Variants in ESR1 observed in about 807,000 individuals in gnomAD.
ESR1 encodes the protein estrogen receptor.
In ESR1, 12 loss-of-function variants were observed where a neutral mutation model predicts 52.7. That is an observed-to-expected ratio of 0.23 (90% CI 0.15 to 0.37). The LOEUF (loss-of-function observed/expected upper bound fraction) is 0.37, where lower values mean the gene tolerates loss of function less well. ESR1 is among the 10% of genes least tolerant of loss of function. The pLI is 1.00. For missense variants in ESR1, 584 were observed against 779.7 expected (o/e 0.75, Z 2.99); for synonymous variants, 305 against 316.8 (o/e 0.96, Z 0.39).
At chr6:151,803,286 G>A (rs995994887), upstream of ESR1, among the ~76,000 whole-genome samples, 1 of 152,114 alleles carries the variant, frequency 6.6e-6, no homozygotes, top group African/African-American at 2.4e-5. Flanking sequence ...AGAATTCAGA[G>A]GAGAGGAAAT....
intron 2 of ESR1, among the ~76,000 whole-genome samples, chr6:151,707,630 A>G (rs1780281510): frequency 1.3e-5 from 2 of 152,200 alleles, no homozygotes; most frequent in East Asian, 1.9e-4. Flanking sequence ...TCCACCATTT[A>G]TTTCCTTAAG....
At chr6:151,844,863 A>AAATT (rs1784867416) in intron 2 of ESR1, among the ~76,000 whole-genome samples, 1 of 152,234 alleles carries the variant, frequency 6.6e-6, no homozygotes, top group Non-Finnish European at 1.5e-5. Flanking sequence ...TGTATTTAGG[A>AAATT]AATTTATTTG....
chr6:152,083,821 G>T (rs547638070), intron 6 of ESR1, among the ~76,000 whole-genome samples: 5 of 152,192 alleles, frequency 3.3e-5, no homozygotes, highest in Non-Finnish European at 5.9e-5. Context: ...TACACTGTTG[G>T]TGGGAGTGTA....
chr6:152,079,187 G>GT (rs200849415), intron 6 of ESR1, among the ~76,000 whole-genome samples: 1,722 of 152,312 alleles, frequency 0.011, 33 homozygotes, highest in African/African-American at 0.039. Flanking sequence ...CCTCAAGCAG[G>GT]TCCCTGACCC....
At chr6:152,051,063 C>T (rs1376029319) in intron 5 of ESR1, among the ~76,000 whole-genome samples, 1 of 152,126 alleles carries the variant, frequency 6.6e-6, no homozygotes. Context: ...TAGAAGCTCC[C>T]TCTCTAGGAC....
At chr6:151,972,069 C>A (rs1239247244) in intron 4 of ESR1, among the ~76,000 whole-genome samples, 1 of 151,932 alleles carries the variant, frequency 6.6e-6, no homozygotes, top group African/African-American at 2.4e-5. Context: ...TGGATAAATT[C>A]CTGGAAATAT....
At chr6:151,689,387 T>C (rs1778813120), upstream of ESR1, among the ~76,000 whole-genome samples, 1 of 152,186 alleles carries the variant, frequency 6.6e-6, no homozygotes, top group African/African-American at 2.4e-5. Flanking sequence ...TGAATCTTGT[T>C]GAGATTTTAT....
At chr6:152,072,070 T>C (rs1585108164) in intron 6 of ESR1, among the ~76,000 whole-genome samples, 1 of 143,818 alleles carries the variant, frequency 7.0e-6, no homozygotes, top group South Asian at 2.2e-4. Context: ...TTATGGAGGG[T>C]AGACGGCTTC....
At chr6:152,001,351 G>T (rs2041929463) in intron 4 of ESR1, among the ~76,000 whole-genome samples, 1 of 152,000 alleles carries the variant, frequency 6.6e-6, no homozygotes, top group African/African-American at 2.4e-5. Flanking sequence ...CATGCAAAGA[G>T]AAAGAAAGGG....
chr6:151,898,835 A>G (rs553171183), intron 3 of ESR1, among the ~76,000 whole-genome samples: 1,555 of 152,200 alleles, frequency 0.01, 16 homozygotes, highest in African/African-American at 0.036. Flanking sequence ...CGATTTCTCA[A>G]TCTTTTCCCC....
chr6:152,094,865 G>C lies in ESR1; in HGVS notation c.1553+297G>C, dbSNP rs146369477. On this transcript the variant is annotated intron_variant, in intron 7 of 7. Transcript: ENST00000206249. The surrounding 1 kb of genome is among the most constrained non-coding windows in gnomAD (Gnocchi z 4.6). ...GGGTGCAGTGTGCAAATAGGAGGAG[G>C]GGGCCAATCAAGAGAAGTCAGTGAA... Among the ~76,000 whole-genome samples, 34 of 152,198 alleles carry C rather than the reference G, an allele frequency of 2.2e-4. No individual in the cohort carries two copies. The highest frequency in any genetic ancestry group is 8.2e-4 in the African/African-American group (34 of 41,534).
chr6:151,905,902 T>A (rs755922705), intron 3 of ESR1, among the ~76,000 whole-genome samples: 2 of 152,170 alleles, frequency 1.3e-5, no homozygotes, highest in African/African-American at 2.4e-5. Flanking sequence ...ATGTGAGACA[T>A]TTCAAGGGCA....
downstream of ESR1, among the ~76,000 whole-genome samples, chr6:152,104,663 G>A (rs1204835324): frequency 6.6e-6 from 1 of 152,144 alleles, no homozygotes; most frequent in Non-Finnish European, 1.5e-5. Flanking sequence ...TAAAACTCTT[G>A]TAGACAGGGG....
At chr6:152,125,897 T>C (rs996937222) in exon 7 of ESR1, 1 of 152,288 alleles carries the variant, frequency 6.6e-6, no homozygotes, top group Non-Finnish European at 1.5e-5. Context: ...TCATAAATCA[T>C]GACAGCCAAA....
intron 7 of ESR1, among the ~76,000 whole-genome samples, chr6:152,097,737 G>A (rs2747647): frequency 2.0e-5 from 3 of 152,008 alleles, no homozygotes; most frequent in Admixed American, 6.5e-5. Context: ...CCCATTTCCC[G>A]CTGCCCATTT....
chr6:151,751,311 G>A (rs1437104784), intron 2 of ESR1, among the ~76,000 whole-genome samples: 1 of 152,102 alleles, frequency 6.6e-6, no homozygotes, highest in Non-Finnish European at 1.5e-5. Context: ...TGTACAGCTA[G>A]GCAATTCATT....
intron 3 of ESR1, among the ~76,000 whole-genome samples, chr6:151,922,386 G>T (rs2031873022): frequency 6.6e-6 from 1 of 152,130 alleles, no homozygotes; most frequent in Non-Finnish European, 1.5e-5. Context: ...TTTAAGGGTG[G>T]AGTAGCTCTA....
intron 3 of ESR1, among the ~76,000 whole-genome samples, chr6:151,886,280 G>A (rs80144994): frequency 0.019 from 2,894 of 152,208 alleles, 44 homozygotes; most frequent in Middle Eastern, 0.044. Flanking sequence ...AGATTCAGAG[G>A]CGTGTTTGAG....
At chr6:151,758,869 C>A (rs1277829946) in intron 2 of ESR1, among the ~76,000 whole-genome samples, 4 of 151,934 alleles carry the variant, frequency 2.6e-5, no homozygotes, top group Non-Finnish European at 5.9e-5. Context: ...TGAAAAGGTG[C>A]CTCTCCTAGT....
Sources: allele counts gnomAD v4.1 joint callset (sites outside exome capture counted in the v4.1 genomes callset), GRCh38; gene constraint gnomAD v4.1.1; non-coding constraint Gnocchi (gnomAD v3.1); transcripts MANE v1.5; gene names NCBI Gene and HGNC (gene_info 2026-07-23, HGNC 2026-07-21).